ENTPD1: variants seen among roughly 807,000 people sequenced by gnomAD.
ENTPD1 encodes ATP diphosphohydrolase.
Under a neutral mutation model 57.0 loss-of-function variants are expected in ENTPD1, and 33 were observed. That is an observed-to-expected ratio of 0.58 (90% confidence interval 0.44 to 0.77). ENTPD1 has a LOEUF of 0.77. Ranked by LOEUF, ENTPD1 falls within the 30% of genes least tolerant of loss-of-function variation. The pLI, the probability that ENTPD1 is intolerant of heterozygous loss-of-function variation, is 0.00. For missense variants in ENTPD1, 501 were observed against 603.4 expected, an observed-to-expected ratio of 0.83 and a Z score of 1.78; for synonymous variants, 202 against 218.8, an observed-to-expected ratio of 0.92 and a Z score of 0.68.
rs182565261 is a variant in ENTPD1, at chr10:95,858,849, G to A, written c.1075-1620G>A. ...GAATAAATTAAGATACATCTACACC[G>A]TAGACTCTTATGTGGCCATTAGAGT... On this transcript the variant is annotated intron_variant, in intron 7 of 9. Transcript: ENST00000371205. Among the ~76,000 whole-genome samples, 129 of 152,336 alleles carry A rather than the reference G, an allele frequency of 8.5e-4. 1 individual carries two copies. The highest frequency in any genetic ancestry group is 2.7e-3 in the African/African-American group (114 of 41,582).
intron 1 of ENTPD1, among the ~76,000 whole-genome samples, chr10:95,802,300 T>C (rs141071174): frequency 1.8e-3 from 281 of 152,298 alleles, no homozygotes; most frequent in African/African-American, 6.4e-3. Flanking sequence ...AGATAAATGA[T>C]TGTGGAGACC....
chr10:95,755,450 T>C (rs2098019868), upstream of ENTPD1: 3 of 503,090 alleles, frequency 6.0e-6, no homozygotes, highest in South Asian at 3.1e-5. Flanking sequence ...CTCATCTACA[T>C]TGGGGTAATC....
intron 7 of ENTPD1, among the ~76,000 whole-genome samples, chr10:95,849,065 A>G (rs1028489342): frequency 1.3e-5 from 2 of 152,218 alleles, no homozygotes; most frequent in African/African-American, 4.8e-5. Context: ...AATCCCAAAG[A>G]AACATTGAAG....
At position 95,872,248 on chromosome 10, in the gene ENTPD1, C is replaced by T; in HGVS notation, c.*5865C>T. On this transcript the variant is annotated 3_prime_UTR_variant, in exon 10 of 10. Transcript: ENST00000371205. ...AATTTCATTGCTGCTCAACTAAAAC[C>T]ACTGGTGGCTTTCCATTGCCTACAA... 1.0e-6 allele frequency: 1 copy of T among 985,398 alleles called. No homozygotes were observed. The highest frequency in any genetic ancestry group is 1.2e-6 in the Non-Finnish European group (1 of 829,924). 61.0% of individuals were successfully genotyped at this position (985,398 alleles called of 1,614,324 possible). A position where few individuals can be genotyped will look rare whatever the true frequency, so the allele number is the denominator to read the frequency against.
chr10:95,786,714 A>G (rs1157936452), intron 1 of ENTPD1, among the ~76,000 whole-genome samples: 2 of 152,194 alleles, frequency 1.3e-5, no homozygotes, highest in Non-Finnish European at 2.9e-5. Flanking sequence ...CTTTTCTGCC[A>G]TGGGAAAAAG....
chr10:95,747,346 T>G (rs2098007166), intron 1 of ENTPD1, among the ~76,000 whole-genome samples: 1 of 152,232 alleles, frequency 6.6e-6, no homozygotes, highest in Non-Finnish European at 1.5e-5. Flanking sequence ...ACACAGGCAT[T>G]CTTGGAATTG....
rs529402795 is a variant in ENTPD1 at position 95,802,925 on chromosome 10, G to A, written c.17-20312G>A. Among the ~76,000 whole-genome samples, 22 of 152,196 alleles carry A rather than the reference G, an allele frequency of 1.4e-4. No individual in the cohort carries two copies. The South Asian group carries it at 4.1e-3, about 29-fold the overall frequency. On this transcript the variant is annotated intron_variant, in intron 1 of 9. Transcript: ENST00000371205. ...CCGCAATAAACATACGTATGCATAC[G>A]TCTTTATAGTAGCATGCTTTATAAT...
intron 1 of ENTPD1, among the ~76,000 whole-genome samples, chr10:95,799,179 C>T (rs570218636): frequency 6.6e-6 from 1 of 152,274 alleles, no homozygotes; most frequent in Non-Finnish European, 1.5e-5. Context: ...GGTACATGTG[C>T]AGGTCTGTTA....
At chr10:95,829,327 C>T (rs578065447) in intron 2 of ENTPD1, among the ~76,000 whole-genome samples, 1 of 152,300 alleles carries the variant, frequency 6.6e-6, no homozygotes, top group African/African-American at 2.4e-5. Context: ...AATTGTCTGC[C>T]CTGGGGATTT....
the ENTPD1 span, among the ~76,000 whole-genome samples, chr10:95,703,062 G>A: frequency 6.6e-6 from 1 of 151,818 alleles, no homozygotes; most frequent in Non-Finnish European, 1.5e-5. Flanking sequence ...TGGGATTACA[G>A]GTGTGAGCCA....
At chr10:95,820,312 T>G (rs1316349162) in intron 1 of ENTPD1, among the ~76,000 whole-genome samples, 2 of 152,206 alleles carry the variant, frequency 1.3e-5, no homozygotes, top group Non-Finnish European at 2.9e-5. Context: ...GTATGAAAAA[T>G]TCCTAAATTT....
chr10:95,742,541 C>CTTTTTTTTTTTTTT (rs10701222), intron 1 of ENTPD1, among the ~76,000 whole-genome samples: 1 of 140,664 alleles, frequency 7.1e-6, no homozygotes, highest in African/African-American at 2.6e-5. Flanking sequence ...TTTCTTTTTT[C>CTTTTTTTTTTTTTT]TTTTTTTTTT....
In ENTPD1 at chr10:95,869,272, G is replaced by C. The variant is rs1399920684; in HGVS notation, c.*2889G>C. The stretch of plus-strand genomic sequence containing the variant: ...TTTTTTTTTTTTTTTTTTTTTGAGA[G>C]AGAGTCTCACTCCATTGCCCAGGCT... On this transcript the variant is annotated 3_prime_UTR_variant, in exon 10 of 10. Transcript: ENST00000371205. 4.8e-5 allele frequency: 43 copies of C among 903,078 alleles called. No homozygotes were observed. In the African/African-American group the frequency reaches 8.9e-4, roughly 19 times the overall value. 55.9% of individuals were successfully genotyped at this position (903,078 alleles called of 1,614,324 possible).
chr10:95,711,314 CA>C (rs1053498007), upstream of ENTPD1, among the ~76,000 whole-genome samples: 16 of 152,158 alleles, frequency 1.1e-4, no homozygotes, highest in African/African-American at 3.1e-4. Context: ...GTCCCACATC[CA>C]GAAGGAAGGA....
intron 1 of ENTPD1, among the ~76,000 whole-genome samples, chr10:95,801,608 C>G (rs544201124): frequency 2.0e-5 from 3 of 150,894 alleles, no homozygotes; most frequent in Admixed American, 1.3e-4. Context: ...CTTTTGTTGC[C>G]CAGGCTGGAG....
chr10:95,761,476 A>G (rs1345497916), intron 1 of ENTPD1, among the ~76,000 whole-genome samples: 1 of 152,164 alleles, frequency 6.6e-6, no homozygotes, highest in African/African-American at 2.4e-5. Context: ...CCTTAGTCTC[A>G]GGGCTTATTT....
intron 2 of ENTPD1, among the ~76,000 whole-genome samples, chr10:95,825,727 G>A (rs576653082): frequency 1.9e-4 from 29 of 152,210 alleles, no homozygotes; most frequent in Admixed American, 1.2e-3. Context: ...ACAGGTGCCC[G>A]CCATCACGCC....
intron 1 of ENTPD1, among the ~76,000 whole-genome samples, chr10:95,744,844 TCCA>T (rs2098004330): frequency 6.6e-6 from 1 of 152,212 alleles, no homozygotes; most frequent in African/African-American, 2.4e-5. Context: ...TTGTCATGTA[TCCA>T]CCATTACAGT....
intron 7 of ENTPD1, among the ~76,000 whole-genome samples, chr10:95,858,623 T>A (rs2098459840): frequency 6.6e-6 from 1 of 152,038 alleles, no homozygotes; most frequent in South Asian, 2.1e-4. Flanking sequence ...CATACCACGA[T>A]CTTTTTCTGC....
Sources: gnomAD v4.1 joint callset for allele counts (sites outside exome capture counted in the v4.1 genomes callset) on GRCh38, gnomAD v4.1.1 for gene constraint, MANE v1.5 for transcripts, NCBI Gene and HGNC (gene_info 2026-07-23, HGNC 2026-07-21) for gene names.